The following UGT1A10 variants were observed in gnomAD, a reference collection of about 807,000 sequenced individuals.
The protein encoded by UGT1A10 is UDP-glucuronosyltransferase 1A10.
A neutral mutation model predicts 45.8 loss-of-function variants in UGT1A10; 49 were observed. The ratio of observed to expected loss-of-function variants is 1.07; its 90% confidence interval spans 0.85 to 1.36. UGT1A10 has a LOEUF of 1.36. Among genes scored for constraint, UGT1A10 ranks in the 40% most tolerant of loss-of-function variants. The probability of loss-of-function intolerance (pLI) is 0.00; values close to 1 mark genes in which losing one functional copy is unlikely to be tolerated. For synonymous variants in UGT1A10, 284 were observed against 249.7 expected, an observed-to-expected ratio of 1.14 and a Z score of -1.29; for missense variants, 745 against 668.6, an observed-to-expected ratio of 1.11 and a Z score of -1.26.
At chr2:233,756,915 T>C (rs571435889) in intron 1 of UGT1A10, among the ~76,000 whole-genome samples, 1 of 152,112 alleles carries the variant, frequency 6.6e-6, no homozygotes, top group East Asian at 1.9e-4. Context: ...ACTTCTGAGT[T>C]TATATAACCT....
chr2:233,735,745 A>T lies in UGT1A10; in HGVS notation c.856-31289A>T, dbSNP rs1416726513. Among the ~76,000 whole-genome samples, 5 of 152,186 alleles carry T rather than the reference A, an allele frequency of 3.3e-5. No individual in the cohort carries two copies. The East Asian group carries it at 9.6e-4, about 29-fold the overall frequency. ...CTCAGCATTTGCTTGTCTATAAAGG[A>T]TTTTATTTCTCCTTCACTTATGAAG... On this transcript the variant is annotated intron_variant, in intron 1 of 4. Coordinates refer to ENST00000344644, the MANE Select transcript of UGT1A10 (RefSeq NM_019075.4).
chr2:233,727,332 T>C (rs2077605990), intron 1 of UGT1A10, among the ~76,000 whole-genome samples: 1 of 152,122 alleles, frequency 6.6e-6, no homozygotes, highest in South Asian at 2.1e-4. Flanking sequence ...CAGGAGCTCC[T>C]CCCTCCCCAT....
At chr2:233,681,284 A>G (rs1205090749) in intron 1 of UGT1A10, among the ~76,000 whole-genome samples, 1 of 152,076 alleles carries the variant, frequency 6.6e-6, no homozygotes, top group African/African-American at 2.4e-5. Flanking sequence ...CTGTAATCCC[A>G]GCATTTTGGG....
intron 1 of UGT1A10, among the ~76,000 whole-genome samples, chr2:233,671,425 G>A (rs1262287090): frequency 6.6e-6 from 1 of 152,178 alleles, no homozygotes; most frequent in African/African-American, 2.4e-5. Context: ...GCATTGCAGA[G>A]ACACAGGCGA....
In UGT1A10 at chr2:233,671,935, A is replaced by G. The variant is rs201915661; in HGVS notation, c.855+34558A>G. ...GCTTGCTCTCAGCTGCAGTTCTCTG[A>G]TGGCTTGCACAGGGTGGACCAGCCC... On this transcript the variant is annotated intron_variant, in intron 1 of 4. Transcript: ENST00000344644. 5.6e-6 allele frequency: 9 copies of G among 1,604,800 alleles called. No homozygotes were observed. The East Asian group carries it at 2.0e-4, about 36-fold the overall frequency.
chr2:233,737,725 T>A (rs936117182), intron 1 of UGT1A10, among the ~76,000 whole-genome samples: 1 of 152,150 alleles, frequency 6.6e-6, no homozygotes, highest in African/African-American at 2.4e-5. Context: ...CACCTCCTTT[T>A]TTTTTCCTTT....
Position 233,729,197 on chromosome 2 carries a change from C to T in UGT1A10, c.856-37837C>T, listed in dbSNP as rs569872278. The stretch of plus-strand genomic sequence containing the variant: ...CTGCTGCTTCTCCTCAGTGTCCAGC[C>T]CTGGGCTGAGAGTGGAAAGGTGTTG... On this transcript the variant is annotated intron_variant, in intron 1 of 4. Coordinates refer to ENST00000344644, the MANE Select transcript of UGT1A10 (RefSeq NM_019075.4). 4.3e-6 allele frequency: 7 copies of T among 1,614,002 alleles called. No homozygotes were observed. The African/African-American group carries it at 8.0e-5, about 18-fold the overall frequency.
intron 1 of UGT1A10, among the ~76,000 whole-genome samples, chr2:233,732,534 T>G (rs1352796772): frequency 6.6e-6 from 1 of 152,222 alleles, no homozygotes; most frequent in East Asian, 1.9e-4. Context: ...ATATGGCCAG[T>G]TTTCCCAGCA....
At chr2:233,720,720 T>C (rs79066052) in intron 1 of UGT1A10, among the ~76,000 whole-genome samples, 5 of 150,478 alleles carry the variant, frequency 3.3e-5, no homozygotes, top group Non-Finnish European at 7.4e-5. Flanking sequence ...TTTTTTTTTT[T>C]CTTGAGACTG....
At chr2:233,645,104 C>G (rs1053962135) in intron 1 of UGT1A10, among the ~76,000 whole-genome samples, 6 of 152,280 alleles carry the variant, frequency 3.9e-5, no homozygotes, top group Middle Eastern at 6.8e-3. Context: ...AAAAAACAAT[C>G]CCTTACTGGC....
chr2:233,652,789 C>G (rs539212123), intron 1 of UGT1A10, among the ~76,000 whole-genome samples: 3 of 152,096 alleles, frequency 2.0e-5, no homozygotes, highest in Non-Finnish European at 4.4e-5. Context: ...TGAAGATGCA[C>G]CCTTATATGC....
chr2:233,641,212 T>C (rs1401678314), intron 1 of UGT1A10, among the ~76,000 whole-genome samples: 1 of 152,190 alleles, frequency 6.6e-6, no homozygotes, highest in Non-Finnish European at 1.5e-5. Context: ...CTGCCTTTCT[T>C]TACCTACAAG....
rs28946879 is a variant in UGT1A10 at position 233,690,780 on chromosome 2, C to T, written c.855+53403C>T. ...AGACATACACACACACACACATACA[C>T]ACACACACACACACACACACCATTC... On this transcript the variant is annotated intron_variant, in intron 1 of 4. Transcript: ENST00000344644. 3.4e-4 allele frequency: 118 copies of T among 349,000 alleles called. No individual in the cohort carries two copies. The African/African-American group carries it at 4.1e-3, about 12-fold the overall frequency. The allele number at this position is 349,000 out of a possible 1,614,324, so 21.6% of individuals were successfully genotyped here. A position where few individuals can be genotyped will look rare whatever the true frequency, so the allele number is the denominator to read the frequency against.
intron 1 of UGT1A10, among the ~76,000 whole-genome samples, chr2:233,708,182 G>A (rs1229974641): frequency 3.9e-5 from 6 of 152,168 alleles, no homozygotes; most frequent in Admixed American, 3.3e-4. Context: ...TTACTGTGTC[G>A]TGCACATTTT....
At chr2:233,637,476 A>C in intron 1 of UGT1A10, 99 bp downstream of exon 1, 1 of 1,498,470 alleles carries the variant, frequency 6.7e-7, no homozygotes, top group East Asian at 2.3e-5. Flanking sequence ...CGTTTGTTGC[A>C]TTTCAAATTT....
At chr2:233,733,899 C>G (rs563890237) in intron 1 of UGT1A10, among the ~76,000 whole-genome samples, 41 of 152,048 alleles carry the variant, frequency 2.7e-4, no homozygotes, top group African/African-American at 9.9e-4. Flanking sequence ...CCTGTTTGTA[C>G]CTCTCTGGTA....
chr2:233,763,843 G>A (rs1698410988), intron 1 of UGT1A10, among the ~76,000 whole-genome samples: 1 of 152,204 alleles, frequency 6.6e-6, no homozygotes, highest in Non-Finnish European at 1.5e-5. Context: ...GGGTAAGATA[G>A]CAGTGGTTCA....
intron 1 of UGT1A10, among the ~76,000 whole-genome samples, chr2:233,675,056 C>T (rs1168181814): frequency 2.6e-5 from 4 of 152,070 alleles, no homozygotes; most frequent in Admixed American, 2.0e-4. Context: ...TGTGTATGTG[C>T]AGGTGTGTTT....
chr2:233,671,247 C>A (rs2074183392), intron 1 of UGT1A10, among the ~76,000 whole-genome samples: 1 of 152,226 alleles, frequency 6.6e-6, no homozygotes, highest in Admixed American at 6.5e-5. Flanking sequence ...GGGCGGGCAA[C>A]TTCCCACTGC....
Sources: allele counts gnomAD v4.1 joint callset (sites outside exome capture counted in the v4.1 genomes callset), GRCh38; gene constraint gnomAD v4.1.1; transcripts MANE v1.5; gene names NCBI Gene and HGNC (gene_info 2026-07-23, HGNC 2026-07-21).